FAM193A: variants seen among roughly 807,000 people sequenced by gnomAD.
FAM193A encodes protein FAM193A.
FAM193A carries 22 observed loss-of-function variants against 126.5 expected under a neutral mutation model. That is an observed-to-expected ratio of 0.17 (90% CI 0.12 to 0.25). FAM193A has a LOEUF of 0.25. Among genes scored for constraint, FAM193A ranks in the 10% least tolerant of loss-of-function variants. The pLI, the probability that FAM193A is intolerant of heterozygous loss-of-function variation, is 1.00. For missense variants in FAM193A, 1,675 were observed against 1,672.8 expected (o/e 1.00, Z -0.02); for synonymous variants, 761 against 646.8 (o/e 1.18, Z -2.68).
intron 1 of FAM193A, among the ~76,000 whole-genome samples, chr4:2,572,691 G>A (rs554324943): frequency 2.8e-4 from 42 of 152,116 alleles, no homozygotes; most frequent in African/African-American, 9.2e-4. Flanking sequence ...GGGAGCTCAC[G>A]TGGGACCTGG....
Position 2,696,455 on chromosome 4 carries a change from A to T in FAM193A, c.3369A>T (p.Lys1123Asn). The T allele has an allele frequency of 6.2e-7, 1 of 1,614,234 alleles. No homozygotes were observed. Among genetic ancestry groups the T allele is most frequent in the Non-Finnish European group, 8.5e-7 (1 of 1,180,032 alleles). ...AGAGGAAAGAGGAGCAACCTAAAAAAATGGACCAGATCTCAGAAAGGGAAA... is the reference window on the plus strand; with the variant it reads ...AGAGGAAAGAGGAGCAACCTAAAAATATGGACCAGATCTCAGAAAGGGAAA... ...LTKRKEEQPKKMDQISERESV... is the reference protein window; with the variant it reads ...LTKRKEEQPKNMDQISERESV... The change falls in exon 18 of 21, where the codon AAA becomes AAT. Residue 1123 changes from lysine to asparagine, a missense_variant. Physicochemically the swap from Lys to Asn is moderately conservative, Grantham distance 94. Around this residue, in one of 4 missense-constraint regions of FAM193A, gnomAD observed 54 missense variants for 114.8 expected, o/e 0.47. Transcript: ENST00000637812.
intron 19 of FAM193A, among the ~76,000 whole-genome samples, chr4:2,704,638 T>G (rs1296252594): frequency 1.3e-5 from 2 of 152,164 alleles, no homozygotes; most frequent in East Asian, 3.8e-4. Context: ...GTCCAAGTTC[T>G]CCAAACCCTC....
At chr4:2,718,865 C>T (rs1310879642) in intron 20 of FAM193A, among the ~76,000 whole-genome samples, 1 of 151,948 alleles carries the variant, frequency 6.6e-6, no homozygotes, top group African/African-American at 2.4e-5. Flanking sequence ...GCAAAATCAA[C>T]CTGAGGTAAA....
chr4:2,678,364 T>G (rs1456385280), intron 13 of FAM193A, among the ~76,000 whole-genome samples: 7 of 148,118 alleles, frequency 4.7e-5, no homozygotes, highest in South Asian at 2.1e-4. Flanking sequence ...TTGGTGGTTT[T>G]TTTTTTTTTT....
intron 13 of FAM193A, among the ~76,000 whole-genome samples, chr4:2,678,451 C>T (rs1041910099): frequency 6.6e-6 from 1 of 151,480 alleles, no homozygotes; most frequent in African/African-American, 2.4e-5. Context: ...CACCCTCCAC[C>T]ACCCAGGTTC....
chr4:2,577,591 T>A (rs1165763976), intron 1 of FAM193A, among the ~76,000 whole-genome samples: 5 of 151,940 alleles, frequency 3.3e-5, no homozygotes, highest in Admixed American at 6.6e-5. Context: ...GCTAATTTTT[T>A]AATTTTTAGT....
chr4:2,638,300 G>A (rs771027144), intron 5 of FAM193A, among the ~76,000 whole-genome samples: 4 of 152,220 alleles, frequency 2.6e-5, no homozygotes, highest in Non-Finnish European at 5.9e-5. Flanking sequence ...TCGTGTCCTC[G>A]TACCTGGCAC....
At position 2,596,231 on chromosome 4, in the gene FAM193A, A is replaced by G. The variant is rs1740853463; in HGVS notation, c.403A>G (p.Lys135Glu). Reference protein sequence around the residue: ...ASKLALSMAPKGNSVLHLPLW... With the variant: ...ASKLALSMAPEGNSVLHLPLW... The stretch of plus-strand genomic sequence containing the variant: ...CAAATTGGCCCTTTCCATGGCTCCC[A>G]AGGGCAACAGCGTGCTGCACCTGCC... The change falls in exon 2 of 21, where the codon AAG becomes GAG. Residue 135 changes from lysine to glutamate, a missense_variant. Lys to Glu is a moderately conservative substitution (Grantham distance 56). Transcript: ENST00000637812. 2 of 702,958 alleles carry G rather than the reference A, an allele frequency of 2.8e-6. No homozygotes were observed. Among genetic ancestry groups the G allele is most frequent in the African/African-American group, 3.5e-5 (2 of 57,268 alleles). The allele number at this position is 702,958 out of a possible 1,614,324, so 43.5% of individuals were successfully genotyped here.
intron 7 of FAM193A, 35 bp downstream of exon 7, chr4:2,646,867 C>T (rs886705219): frequency 6.3e-7 from 1 of 1,577,554 alleles, no homozygotes; most frequent in Non-Finnish European, 8.6e-7. Flanking sequence ...ACCCCGCGCA[C>T]ATCCTCAGAC....
At chr4:2,543,782 C>T (rs7376577) in intron 1 of FAM193A, among the ~76,000 whole-genome samples, 18 of 136,196 alleles carry the variant, frequency 1.3e-4, no homozygotes, top group Admixed American at 5.6e-4. Context: ...CGCCTGAACC[C>T]GGGGTGGGGG....
At chr4:2,600,552 A>T (rs950378510) in intron 2 of FAM193A, among the ~76,000 whole-genome samples, 1 of 152,002 alleles carries the variant, frequency 6.6e-6, no homozygotes, top group Admixed American at 6.5e-5. Flanking sequence ...TGCTTCTTAG[A>T]CTACGTGTAC....
chr4:2,649,649 G>A (rs892558889), intron 7 of FAM193A, among the ~76,000 whole-genome samples: 4 of 152,132 alleles, frequency 2.6e-5, no homozygotes, highest in African/African-American at 9.7e-5. Context: ...TCCATCCTGG[G>A]CAACAGTGAG....
chr4:2,647,430 G>C (rs1745262852), intron 7 of FAM193A, among the ~76,000 whole-genome samples: 1 of 152,110 alleles, frequency 6.6e-6, no homozygotes, highest in Non-Finnish European at 1.5e-5. Flanking sequence ...ACAGGAGTGA[G>C]CCACCACGCC....
chr4:2,728,959 C>T lies in FAM193A; in HGVS notation c.4455-2816C>T, dbSNP rs557418966. On this transcript the variant is annotated intron_variant, in intron 20 of 20. Transcript: ENST00000637812. ...AAAGTCTGGTTCTGTCCGTCCAGGC[C>T]GTAGTGCAGTGGCGCATTCTCAGTT... 1.6e-3 allele frequency among the ~76,000 whole-genome samples: 231 copies of T among 140,716 alleles called. 1 individual carries two copies. The highest frequency in any genetic ancestry group is 2.6e-3 in the Non-Finnish European group (175 of 66,644). The allele number at this position is 140,716 out of a possible 152,430, so 92.3% of individuals were successfully genotyped here.
intron 20 of FAM193A, among the ~76,000 whole-genome samples, chr4:2,725,999 C>T (rs980745021): frequency 6.0e-4 from 91 of 151,648 alleles, no homozygotes; most frequent in Non-Finnish European, 3.1e-4. Flanking sequence ...CCCAAGTTCA[C>T]GCCATTCTCC....
intron 19 of FAM193A, among the ~76,000 whole-genome samples, chr4:2,712,407 G>C (rs77255212): frequency 0.011 from 1,616 of 152,182 alleles, 33 homozygotes; most frequent in African/African-American, 0.037. Context: ...TATATTTTTA[G>C]TTACTTGTGG....
intron 20 of FAM193A, among the ~76,000 whole-genome samples, chr4:2,729,252 C>T (rs1416141482): frequency 1.3e-5 from 2 of 152,118 alleles, no homozygotes; most frequent in East Asian, 3.9e-4. Flanking sequence ...CTTCCAGGTA[C>T]TTTACACCGG....
Position 2,662,977 on chromosome 4 carries a change from G to T in FAM193A, c.1885G>T (p.Ala629Ser). The change falls in exon 11 of 21, where the codon GCC becomes TCC. Residue 629 changes from alanine (A) to serine (S), a missense_variant. This residue lies in a region of FAM193A where 1,186 missense variants were observed against 1,109.2 expected (regional missense o/e 1.07). Transcript: ENST00000637812. ...ATTGAATGGTGGCGGGGAAAACATG[G>T]CCCTGAAGGATGAGGTATGGACATG... ...SELNGGGENM[A>S]LKDESPQISS... 6.2e-7 allele frequency: 1 copy of T among 1,612,968 alleles called. No homozygotes were observed.
chr4:2,542,980 TAGGG>T (rs1737323987), intron 1 of FAM193A, among the ~76,000 whole-genome samples: 2 of 152,110 alleles, frequency 1.3e-5, no homozygotes, highest in Admixed American at 6.6e-5. Context: ...ACTTAGCTTA[TAGGG>T]TCTTTGACTC....
Sources: gnomAD v4.1 joint callset for allele counts (sites outside exome capture counted in the v4.1 genomes callset) on GRCh38, gnomAD v4.1.1 for gene constraint, gnomAD v4.1.1 regional missense constraint, MANE v1.5 for transcripts, NCBI Gene and HGNC (gene_info 2026-07-23, HGNC 2026-07-21) for gene names.